C1orf50: variants seen among roughly 807,000 people sequenced by gnomAD.
The protein encoded by C1orf50 is chromosome 1 open reading frame 50, also known as uncharacterized protein C1orf50.
Under a neutral mutation model 23.3 loss-of-function variants are expected in C1orf50, and 22 were observed. That is an observed-to-expected ratio of 0.94 (90% confidence interval 0.67 to 1.35). The LOEUF (loss-of-function observed/expected upper bound fraction) is 1.35, where lower values mean the gene tolerates loss of function less well. C1orf50 is among the 40% of genes most tolerant of loss of function. The pLI is 0.00. For missense variants in C1orf50, 271 were observed against 249.4 expected (o/e 1.09, Z -0.58); for synonymous variants, 96 against 102.4 (o/e 0.94, Z 0.38).
At chr1:42,774,060 T>A (rs1402226908) in intron 3 of C1orf50, among the ~76,000 whole-genome samples, 1 of 152,088 alleles carries the variant, frequency 6.6e-6, no homozygotes, top group African/African-American at 2.4e-5. Context: ...TGACCTCAGG[T>A]GATCTGCCTG....
intron 2 of C1orf50, among the ~76,000 whole-genome samples, chr1:42,772,896 C>T (rs1260651487): frequency 1.3e-5 from 2 of 152,082 alleles, no homozygotes; most frequent in Non-Finnish European, 2.9e-5. Context: ...TTTTAAAATA[C>T]ATTTTAAGTA....
In C1orf50 at chr1:42,776,698, A is replaced by G. The variant is rs897872835; in HGVS notation, c.*1304A>G. 2 of 152,254 alleles carry G rather than the reference A, an allele frequency of 1.3e-5. No homozygotes were observed. Among genetic ancestry groups the G allele is most frequent in the Non-Finnish European group, 2.9e-5 (2 of 68,066 alleles). The allele number at this position is 152,254 out of a possible 1,614,324, so 9.4% of individuals were successfully genotyped here. Reference sequence around the variant, plus strand: ...ACTTGGTTGCTCGGTTCACATGGGAATGCTCTTTGGACTCAGCTGCAGAGG... The same window carrying G: ...ACTTGGTTGCTCGGTTCACATGGGAGTGCTCTTTGGACTCAGCTGCAGAGG... On this transcript the variant is annotated 3_prime_UTR_variant, in exon 5 of 5. Coordinates refer to ENST00000372525, the MANE Select transcript of C1orf50 (RefSeq NM_024097.4).
chr1:42,772,380 G>A (rs1320032438), intron 2 of C1orf50, among the ~76,000 whole-genome samples: 1 of 152,164 alleles, frequency 6.6e-6, no homozygotes, highest in South Asian at 2.1e-4. Context: ...TTTCTTAAAA[G>A]TAAGGTGGAA....
At chr1:42,773,381 T>G in intron 2 of C1orf50, 182 bp from the exon 3 acceptor site, 1 of 475,358 alleles carries the variant, frequency 2.1e-6, no homozygotes, top group Admixed American at 3.8e-5. Flanking sequence ...CAGGGTGGCC[T>G]TCTCATGACA....
chr1:42,776,771 A>G lies in C1orf50; in HGVS notation c.*1377A>G, dbSNP rs181794054. Reference sequence around the variant, plus strand: ...GCCGGATGGAAGAGACATTAGTGGTAGAGTAGTGGATTCTGACTACAGAAA... The same window carrying G: ...GCCGGATGGAAGAGACATTAGTGGTGGAGTAGTGGATTCTGACTACAGAAA... On this transcript the variant is annotated 3_prime_UTR_variant, in exon 5 of 5. Coordinates refer to ENST00000372525, the MANE Select transcript of C1orf50 (RefSeq NM_024097.4). 15 of 152,402 alleles carry G rather than the reference A, an allele frequency of 9.8e-5. No homozygotes were observed. In the East Asian group the frequency reaches 2.9e-3, roughly 29 times the overall value. The allele number at this position is 152,402 out of a possible 1,614,324, so 9.4% of individuals were successfully genotyped here. A position where few individuals can be genotyped will look rare whatever the true frequency, so the allele number is the denominator to read the frequency against.
In C1orf50 at chr1:42,776,424, T is replaced by A. The variant is rs1413919698; in HGVS notation, c.*1030T>A. On this transcript the variant is annotated 3_prime_UTR_variant, in exon 5 of 5. Transcript: ENST00000372525. The stretch of plus-strand genomic sequence containing the variant: ...TGGAATTAGCTAAGTTTATGGATTA[T>A]TTCGCATGGCTATAATCTATTGCAA... The A allele has an allele frequency of 6.6e-6, 1 of 152,252 alleles. No individual in the cohort carries two copies. The highest frequency in any genetic ancestry group is 1.5e-5 in the Non-Finnish European group (1 of 68,050). 9.4% of individuals were successfully genotyped at this position (152,252 alleles called of 1,614,324 possible).
In C1orf50 at chr1:42,773,357, GC is replaced by G. The variant is rs149999574; in HGVS notation, c.196-205del. 2,473 of 448,902 alleles carry G rather than the reference GC, an allele frequency of 5.5e-3. 63 individuals carry two copies. Among genetic ancestry groups the G allele is most frequent in the African/African-American group, 0.046 (2,253 of 49,124 alleles). 27.8% of individuals were successfully genotyped at this position (448,902 alleles called of 1,614,324 possible). On this transcript the variant is annotated intron_variant, in intron 2 of 4. Coordinates refer to ENST00000372525, the MANE Select transcript of C1orf50 (RefSeq NM_024097.4). ...ATAGAAGAGAGCACTTAACTCTGTGGCGTGGAGTCATGTCAGGGTGGCCTTC... is the reference window on the plus strand; with the variant it reads ...ATAGAAGAGAGCACTTAACTCTGTGGGTGGAGTCATGTCAGGGTGGCCTTC...
At chr1:42,773,695 C>T (rs369796694) in intron 3 of C1orf50, 46 bp downstream of exon 3, 595 of 1,328,994 alleles carry the variant, frequency 4.5e-4, no homozygotes, top group Non-Finnish European at 5.5e-4. Flanking sequence ...TTATTTAGTT[C>T]TCAGGATTGG....
intron 3 of C1orf50, among the ~76,000 whole-genome samples, chr1:42,774,454 C>T (rs187914561): frequency 1.2e-3 from 181 of 152,328 alleles, no homozygotes; most frequent in African/African-American, 4.3e-3. Context: ...GTCTCCTGAA[C>T]TCAAGTGATC....
At chr1:42,767,445 T>C (rs1423217048) in intron 1 of C1orf50, 55 bp downstream of exon 1, 1 of 1,553,654 alleles carries the variant, frequency 6.4e-7, no homozygotes, top group Non-Finnish European at 8.7e-7. Context: ...GCAGCCGGTC[T>C]CGGGGCTCCG....
chr1:42,767,393 A>G lies in C1orf50; in HGVS notation c.79+3A>G, dbSNP rs746623762. ...GCCGCCAGCTGCAGGCCAGGGAGGT[A>G]TGCGGGGCGGGAGTCAGCAGGGGGA... On this transcript the variant is annotated splice_donor_region_variant and intron_variant, in intron 1 of 4. Coordinates refer to ENST00000372525, the MANE Select transcript of C1orf50 (RefSeq NM_024097.4). 5 of 1,556,068 alleles carry G rather than the reference A, an allele frequency of 3.2e-6. No homozygotes were observed. Among genetic ancestry groups the G allele is most frequent in the African/African-American group, 1.4e-5 (1 of 73,312 alleles).
intron 2 of C1orf50, among the ~76,000 whole-genome samples, chr1:42,772,593 C>A (rs1377304460): frequency 6.6e-6 from 1 of 152,114 alleles, no homozygotes; most frequent in Non-Finnish European, 1.5e-5. Context: ...CCAGCCTGGA[C>A]AACATGGTGA....
At position 42,767,276 on chromosome 1, in the gene C1orf50, G is replaced by A; in HGVS notation, c.-36G>A. ...CTTTATGCGCAGGCTCTTCCTACTC[G>A]CACAGCCCAGGGAGTGGGGAGGATA... On this transcript the variant is annotated 5_prime_UTR_variant, in exon 1 of 5. Coordinates refer to ENST00000372525, the MANE Select transcript of C1orf50 (RefSeq NM_024097.4). 3.4e-6 allele frequency: 5 copies of A among 1,472,600 alleles called. No individual in the cohort carries two copies. Among genetic ancestry groups the A allele is most frequent in the African/African-American group, 1.4e-5 (1 of 70,252 alleles). 91.2% of individuals were successfully genotyped at this position (1,472,600 alleles called of 1,614,324 possible). A position where few individuals can be genotyped will look rare whatever the true frequency, so the allele number is the denominator to read the frequency against.
chr1:42,777,315 C>G lies in C1orf50; in HGVS notation c.*1921C>G, dbSNP rs1557587116. The G allele has an allele frequency of 6.6e-6, 1 of 152,220 alleles. No individual in the cohort carries two copies. The highest frequency in any genetic ancestry group is 1.5e-5 in the Non-Finnish European group (1 of 68,088). The allele number at this position is 152,220 out of a possible 1,614,324, so 9.4% of individuals were successfully genotyped here. ...TTCACCATGTTGGCCAGGAGGGTCTCTATCTCTTGACCTCATGATCCACCT... is the reference window on the plus strand; with the variant it reads ...TTCACCATGTTGGCCAGGAGGGTCTGTATCTCTTGACCTCATGATCCACCT... On this transcript the variant is annotated 3_prime_UTR_variant, in exon 5 of 5. Transcript: ENST00000372525.
chr1:42,771,981 A>G (rs891256690), intron 2 of C1orf50, among the ~76,000 whole-genome samples: 3 of 152,170 alleles, frequency 2.0e-5, no homozygotes, highest in Non-Finnish European at 4.4e-5. Flanking sequence ...CCTCAAAAAA[A>G]AAAAAAAAAA....
chr1:42,771,870 C>T (rs568360237), intron 2 of C1orf50, among the ~76,000 whole-genome samples: 18 of 151,492 alleles, frequency 1.2e-4, no homozygotes, highest in Middle Eastern at 6.8e-3. Context: ...CCTAGCTACT[C>T]AGGAGGCTGA....
chr1:42,775,339 A>G lies in C1orf50; in HGVS notation c.545A>G (p.Gln182Arg), dbSNP rs566737210. 3 of 1,611,598 alleles carry G rather than the reference A, an allele frequency of 1.9e-6. No homozygotes were observed. The highest frequency in any genetic ancestry group is 2.5e-6 in the Non-Finnish European group (3 of 1,178,006). Residue 182 changes from glutamine (Q) to arginine (R), a missense_variant, in exon 5 of 5, where the codon CAG (glutamine) becomes CGG (arginine). Physicochemically the swap from Gln to Arg is conservative, Grantham distance 43. Coordinates refer to ENST00000372525, the MANE Select transcript of C1orf50 (RefSeq NM_024097.4). The part of the protein sequence containing the change: ...KISMMDTLLS[Q>R]SVALPPCTEP... The stretch of plus-strand genomic sequence containing the variant: ...AGCATGATGGACACGTTGCTAAGCC[A>G]GTCAGTGGCCCTGCCTCCGTGCACT...
chr1:42,768,014 C>A (rs1024690101), intron 2 of C1orf50, among the ~76,000 whole-genome samples: 1 of 152,186 alleles, frequency 6.6e-6, no homozygotes, highest in African/African-American at 2.4e-5. Flanking sequence ...CCCATAAGAT[C>A]TTTGTTACCT....
intron 3 of C1orf50, 151 bp from the exon 4 acceptor site, chr1:42,774,586 C>T (rs1653294532): frequency 1.2e-6 from 1 of 859,304 alleles, no homozygotes; most frequent in Non-Finnish European, 1.8e-6. Flanking sequence ...TTTGTTTCTT[C>T]AGAATAATCT....
Sources: gnomAD v4.1 joint callset for allele counts (sites outside exome capture counted in the v4.1 genomes callset) on GRCh38, gnomAD v4.1.1 for gene constraint, MANE v1.5 for transcripts, NCBI Gene and HGNC (gene_info 2026-07-23, HGNC 2026-07-21) for gene names.